Variants in CYP7B1 observed in about 807,000 individuals in gnomAD.
CYP7B1 encodes the protein cytochrome P450 7B1.
In CYP7B1, 29 loss-of-function variants were observed where a neutral mutation model predicts 42.7. The observed-to-expected ratio is 0.68, with a 90% CI of 0.51 to 0.93. The LOEUF (loss-of-function observed/expected upper bound fraction) is 0.93, where lower values mean the gene tolerates loss of function less well. CYP7B1 is among the 40% of genes least tolerant of loss of function. The probability of loss-of-function intolerance (pLI) is 0.00; values close to 1 mark genes in which losing one functional copy is unlikely to be tolerated. For missense variants in CYP7B1, 655 were observed against 600.5 expected, an observed-to-expected ratio of 1.09 and a Z score of -0.95; for synonymous variants, 235 against 218.2, an observed-to-expected ratio of 1.08 and a Z score of -0.68.
At chr8:64,610,424 C>A (rs976273438) in intron 4 of CYP7B1, among the ~76,000 whole-genome samples, 1 of 152,158 alleles carries the variant, frequency 6.6e-6, no homozygotes, top group African/African-American at 2.4e-5. Flanking sequence ...GAGGATGTTG[C>A]AAAACTTCAC....
At chr8:64,652,212 C>T (rs556372916) in intron 1 of CYP7B1, among the ~76,000 whole-genome samples, 1 of 152,290 alleles carries the variant, frequency 6.6e-6, no homozygotes, top group Admixed American at 6.5e-5. Flanking sequence ...AGACTACTAA[C>T]AATTTTTTTT....
At chr8:64,756,207 G>C (rs1004126393) in intron 1 of CYP7B1, among the ~76,000 whole-genome samples, 4 of 152,056 alleles carry the variant, frequency 2.6e-5, no homozygotes, top group Non-Finnish European at 4.4e-5. Context: ...ACTCTTTCTT[G>C]GTCTTCAATG....
At chr8:64,798,346 C>G (rs996107103) in intron 1 of CYP7B1, 120 bp downstream of exon 1, 24 of 1,341,520 alleles carry the variant, frequency 1.8e-5, no homozygotes, top group Non-Finnish European at 2.3e-5. Flanking sequence ...GCCAGTACCC[C>G]GCAGCAAGTT....
At chr8:64,606,828 G>A (rs1199106869) in intron 4 of CYP7B1, among the ~76,000 whole-genome samples, 1 of 152,216 alleles carries the variant, frequency 6.6e-6, no homozygotes, top group Non-Finnish European at 1.5e-5. Flanking sequence ...TATCAACAAT[G>A]GAGAGTAGAG....
chr8:64,676,378 T>G (rs1193943855), intron 1 of CYP7B1, among the ~76,000 whole-genome samples: 2 of 152,104 alleles, frequency 1.3e-5, no homozygotes, highest in Admixed American at 6.6e-5. Context: ...TAAAACAACC[T>G]TGCCAACCAT....
At chr8:64,745,265 T>G (rs1433439695) in intron 1 of CYP7B1, among the ~76,000 whole-genome samples, 5 of 152,246 alleles carry the variant, frequency 3.3e-5, no homozygotes, top group Non-Finnish European at 7.3e-5. Context: ...AATGTCCTTT[T>G]TAATATTTAT....
intron 1 of CYP7B1, among the ~76,000 whole-genome samples, chr8:64,761,812 A>G (rs530442944): frequency 6.6e-6 from 1 of 152,296 alleles, no homozygotes; most frequent in East Asian, 1.9e-4. Context: ...ACTTCAGATT[A>G]CCATTTGGGT....
At chr8:64,699,760 A>G (rs1448860921) in intron 1 of CYP7B1, among the ~76,000 whole-genome samples, 1 of 152,152 alleles carries the variant, frequency 6.6e-6, no homozygotes, top group Non-Finnish European at 1.5e-5. Flanking sequence ...AAAAAAAATT[A>G]CTGGAAAACC....
intron 1 of CYP7B1, among the ~76,000 whole-genome samples, chr8:64,747,036 C>T (rs1807653217): frequency 6.6e-6 from 1 of 150,928 alleles, no homozygotes; most frequent in Non-Finnish European, 1.5e-5. Context: ...TAAGCTATGT[C>T]AATATGAATT....
chr8:64,678,612 T>C (rs1806486704), intron 1 of CYP7B1, among the ~76,000 whole-genome samples: 1 of 152,184 alleles, frequency 6.6e-6, no homozygotes, highest in South Asian at 2.1e-4. Flanking sequence ...AATCAGTATT[T>C]GGTAACATAC....
Position 64,741,034 on chromosome 8 carries a change from G to A in CYP7B1, c.122+57432C>T, listed in dbSNP as rs183943251. ...AAAACCAGATAAAGCCATTACAAGAGAGAGTGACAGACCAATGTGGTTTTA... is the reference window on the plus strand; with the variant it reads ...AAAACCAGATAAAGCCATTACAAGAAAGAGTGACAGACCAATGTGGTTTTA... On this transcript the variant is annotated intron_variant, in intron 1 of 5. Coordinates refer to ENST00000310193, the MANE Select transcript of CYP7B1 (RefSeq NM_004820.5). Among the ~76,000 whole-genome samples the A allele has an allele frequency of 3.8e-3, 582 of 152,090 alleles. 3 individuals carry two copies. The highest frequency in any genetic ancestry group is 6.7e-3 in the Non-Finnish European group (456 of 67,978).
chr8:64,637,801 G>A (rs1384439571), intron 1 of CYP7B1, among the ~76,000 whole-genome samples: 1 of 151,994 alleles, frequency 6.6e-6, no homozygotes, highest in African/African-American at 2.4e-5. Flanking sequence ...GTTTTTGCAC[G>A]TGCCTCATTT....
At chr8:64,600,455 GAATATAAATTAGACA>G (rs1021592530) in intron 5 of CYP7B1, among the ~76,000 whole-genome samples, 11 of 152,106 alleles carry the variant, frequency 7.2e-5, no homozygotes, top group African/African-American at 1.7e-4. Context: ...TTGGGTATGG[GAATATAAATTAGACA>G]AATATAAATT....
intron 1 of CYP7B1, among the ~76,000 whole-genome samples, chr8:64,691,490 G>GT (rs1013368095): frequency 4.0e-5 from 6 of 149,124 alleles, no homozygotes; most frequent in Middle Eastern, 3.4e-3. Flanking sequence ...ACTGGGGGGG[G>GT]GGGGTGGTGG....
intron 1 of CYP7B1, among the ~76,000 whole-genome samples, chr8:64,654,232 T>G (rs1301125028): frequency 2.0e-5 from 3 of 152,286 alleles, no homozygotes; most frequent in Admixed American, 2.0e-4. Context: ...AGTCAAACTA[T>G]CCCTGTTTGC....
intron 1 of CYP7B1, among the ~76,000 whole-genome samples, chr8:64,749,585 G>A (rs545521904): frequency 2.6e-5 from 4 of 152,242 alleles, no homozygotes; most frequent in Admixed American, 6.5e-5. Context: ...AGCTAGATAC[G>A]TAAGAAACTC....
intron 1 of CYP7B1, among the ~76,000 whole-genome samples, chr8:64,682,205 A>T (rs1038829923): frequency 1.3e-5 from 2 of 152,194 alleles, no homozygotes; most frequent in Non-Finnish European, 2.9e-5. Flanking sequence ...AAGTAGCTCA[A>T]CACTGCCAGA....
intron 1 of CYP7B1, among the ~76,000 whole-genome samples, chr8:64,729,716 C>T (rs752699708): frequency 1.1e-4 from 17 of 152,120 alleles, no homozygotes; most frequent in Non-Finnish European, 8.8e-5. Context: ...AAGCATCTTG[C>T]CTATGTCCTG....
chr8:64,703,710 T>A (rs1806951736), intron 1 of CYP7B1: 1 of 152,050 alleles, frequency 6.6e-6, no homozygotes, highest in African/African-American at 2.4e-5. Flanking sequence ...TGGTTCTCTC[T>A]TTACAACAAG....
Sources: gnomAD v4.1 joint callset for allele counts (sites outside exome capture counted in the v4.1 genomes callset) on GRCh38, gnomAD v4.1.1 for gene constraint, MANE v1.5 for transcripts, NCBI Gene and HGNC (gene_info 2026-07-23, HGNC 2026-07-21) for gene names.